The following ANXA8 variants were observed in gnomAD, a reference collection of about 807,000 sequenced individuals.
The protein encoded by ANXA8 is annexin A8, also known as VAC-beta.
A neutral mutation model predicts 26.8 loss-of-function variants in ANXA8; 9 were observed. That is an observed-to-expected ratio of 0.34 (90% confidence interval 0.20 to 0.59). ANXA8 has a LOEUF of 0.59. Ranked by LOEUF, ANXA8 falls within the 20% of genes least tolerant of loss-of-function variation. The probability of loss-of-function intolerance (pLI) is 0.84; values close to 1 mark genes in which losing one functional copy is unlikely to be tolerated. For missense variants in ANXA8, 83 were observed against 238.5 expected (o/e 0.35, Z 4.29); for synonymous variants, 39 against 94.8 (o/e 0.41, Z 3.42).
chr10:47,645,080 T>C, the ANXA8 span, among the ~76,000 whole-genome samples: 1 of 151,672 alleles, frequency 6.6e-6, no homozygotes, highest in Non-Finnish European at 1.5e-5. Context: ...TCATCCCTAG[T>C]GATTATACTT....
chr10:47,675,743 G>A, the ANXA8 span, among the ~76,000 whole-genome samples: 2 of 151,818 alleles, frequency 1.3e-5, no homozygotes, highest in Non-Finnish European at 1.5e-5. Flanking sequence ...GCAAGAAAAT[G>A]TGACCAAAGG....
chr10:47,558,929 C>G, the ANXA8 span, among the ~76,000 whole-genome samples: 1 of 151,344 alleles, frequency 6.6e-6, no homozygotes, highest in African/African-American at 2.4e-5. Context: ...TTCTGATTTT[C>G]TTGTATGCAT....
the ANXA8 span, among the ~76,000 whole-genome samples, chr10:47,943,988 G>A: frequency 6.8e-6 from 1 of 148,020 alleles, no homozygotes; most frequent in Non-Finnish European, 1.5e-5. Context: ...AGACACTCCT[G>A]GCTCCTGGGC....
At chr10:47,943,532 G>A in the ANXA8 span, among the ~76,000 whole-genome samples, 1 of 147,282 alleles carries the variant, frequency 6.8e-6, no homozygotes, top group Non-Finnish European at 1.5e-5. Context: ...GGGGAGTGGG[G>A]GAAGGAGGGA....
At chr10:47,652,399 A>G in the ANXA8 span, among the ~76,000 whole-genome samples, 1 of 151,762 alleles carries the variant, frequency 6.6e-6, no homozygotes, top group Non-Finnish European at 1.5e-5. Context: ...GAGTTCGAGA[A>G]CAGCCTGGCC....
the ANXA8 span, among the ~76,000 whole-genome samples, chr10:47,750,710 T>C: frequency 5.2e-5 from 7 of 133,850 alleles, no homozygotes; most frequent in African/African-American, 1.7e-4. Flanking sequence ...AGTGCGGGGA[T>C]AATAGATGTG....
At chr10:47,646,712 G>A in the ANXA8 span, among the ~76,000 whole-genome samples, 19 of 151,654 alleles carry the variant, frequency 1.3e-4, no homozygotes, top group Admixed American at 1.2e-3. Context: ...TTTTTTCTTG[G>A]CTAGGATAAA....
chr10:47,555,683 A>G, the ANXA8 span, among the ~76,000 whole-genome samples: 33 of 152,054 alleles, frequency 2.2e-4, no homozygotes, highest in African/African-American at 8.0e-4. Context: ...AGAACTCAGA[A>G]TCTTCCCTCT....
chr10:47,648,127 C>T, the ANXA8 span, among the ~76,000 whole-genome samples: 1 of 151,620 alleles, frequency 6.6e-6, no homozygotes. Flanking sequence ...AATTACTGCT[C>T]CTAGGGCAAG....
the ANXA8 span, among the ~76,000 whole-genome samples, chr10:47,650,415 T>A: frequency 6.6e-6 from 1 of 151,468 alleles, no homozygotes; most frequent in South Asian, 2.1e-4. Flanking sequence ...CAGAATGGGA[T>A]TAAATATTTG....
chr10:47,691,629 C>T, the ANXA8 span, among the ~76,000 whole-genome samples: 4 of 150,630 alleles, frequency 2.7e-5, no homozygotes, highest in East Asian at 5.8e-4. Context: ...TTAAGTTTTG[C>T]GTGCCTGTAG....
At chr10:47,555,352 G>C in the ANXA8 span, among the ~76,000 whole-genome samples, 1 of 151,128 alleles carries the variant, frequency 6.6e-6, no homozygotes, top group Non-Finnish European at 1.5e-5. Context: ...GAGGTGCAGG[G>C]GCAGGGCACT....
At chr10:47,930,560 CTCTT>C in the ANXA8 span, among the ~76,000 whole-genome samples, 1 of 147,382 alleles carries the variant, frequency 6.8e-6, no homozygotes, top group Non-Finnish European at 1.5e-5. Flanking sequence ...TCCTCCCTCT[CTCTT>C]CCCTTTTCTG....
chr10:47,685,354 A>C, the ANXA8 span, among the ~76,000 whole-genome samples: 1 of 141,602 alleles, frequency 7.1e-6, no homozygotes, highest in East Asian at 2.5e-4. Flanking sequence ...CTCAAAAAAA[A>C]AAAAAAAGAA....
At chr10:47,685,421 A>G in the ANXA8 span, among the ~76,000 whole-genome samples, 2 of 151,304 alleles carry the variant, frequency 1.3e-5, no homozygotes, top group African/African-American at 2.4e-5. Context: ...TTCATCTCAG[A>G]TATTTCTTGC....
At chr10:47,882,278 T>TAA in the ANXA8 span, among the ~76,000 whole-genome samples, 2 of 41,984 alleles carry the variant, frequency 4.8e-5, no homozygotes, top group South Asian at 2.3e-3. Flanking sequence ...TGAGTTGCTG[T>TAA]AAAAAAGGAT....
chr10:47,696,104 A>T, the ANXA8 span, among the ~76,000 whole-genome samples: 114 of 151,934 alleles, frequency 7.5e-4, 1 homozygote, highest in African/African-American at 2.7e-3. Flanking sequence ...TGTATCAGAA[A>T]TATACATGAT....
the ANXA8 span, among the ~76,000 whole-genome samples, chr10:47,639,320 T>TA: frequency 0.16 from 13,954 of 89,366 alleles, 24 homozygotes; most frequent in South Asian, 0.24. Context: ...TATTATTTTT[T>TA]TTTTTTTTTT....
chr10:47,580,999 C>T, the ANXA8 span, among the ~76,000 whole-genome samples: 1 of 150,262 alleles, frequency 6.7e-6, no homozygotes, highest in African/African-American at 2.5e-5. Context: ...TCTCTTGAAT[C>T]TGGGAGACAG....
Sources: allele counts gnomAD v4.1 joint callset (sites outside exome capture counted in the v4.1 genomes callset), GRCh38; gene constraint gnomAD v4.1.1; transcripts MANE v1.5; gene names NCBI Gene and HGNC (gene_info 2026-07-23, HGNC 2026-07-21).